Variants in SEC23IP observed in about 807,000 individuals in gnomAD.
SEC23IP encodes SEC23-interacting protein.
SEC23IP carries 70 observed loss-of-function variants against 113.4 expected under a neutral mutation model. The ratio of observed to expected loss-of-function variants is 0.62; its 90% CI spans 0.51 to 0.75. The LOEUF is 0.75. SEC23IP is among the 30% of genes least tolerant of loss of function. The pLI is 0.00. For synonymous variants in SEC23IP, 398 were observed against 421.0 expected, an observed-to-expected ratio of 0.95 and a Z score of 0.67; for missense variants, 1,160 against 1,204.9, an observed-to-expected ratio of 0.96 and a Z score of 0.55.
Position 119,904,242 on chromosome 10 carries a change from A to G in SEC23IP, c.1066A>G (p.Ile356Val), listed in dbSNP as rs138431479. ...CAAGGGGGACACAGATAGTCGATTT[A>G]TTCCCTATACTGAGGAGTTCAGTGA... ...FYKGDTDSRF[I>V]PYTEEFSEKL... is the part of the protein sequence containing the mutation. The change falls in exon 4 of 19, where the codon ATT becomes GTT. Residue 356 changes from isoleucine (I) to valine (V), a missense_variant. Coordinates refer to ENST00000369075, the MANE Select transcript of SEC23IP (RefSeq NM_007190.4). 1.2e-6 allele frequency: 2 copies of G among 1,614,096 alleles called. No homozygotes were observed. The highest frequency in any genetic ancestry group is 2.7e-5 in the African/African-American group (2 of 74,944).
chr10:119,924,248 G>A (rs1187501430), intron 12 of SEC23IP, among the ~76,000 whole-genome samples: 3 of 152,268 alleles, frequency 2.0e-5, no homozygotes, highest in Non-Finnish European at 2.9e-5. Context: ...GCCAGCTGTG[G>A]TTGTTTAGGC....
chr10:119,914,458 T>G, intron 6 of SEC23IP: 1 of 416,126 alleles, frequency 2.4e-6, no homozygotes, highest in Non-Finnish European at 4.4e-6. Context: ...GGAGCCTCCA[T>G]AGATACAAAC....
At chr10:119,896,251 G>A (rs1170242041) in intron 1 of SEC23IP, among the ~76,000 whole-genome samples, 1 of 152,192 alleles carries the variant, frequency 6.6e-6, no homozygotes. Context: ...TTAGACCCAA[G>A]ACTGAGCTCT....
chr10:119,919,015 C>T (rs1450414274), intron 10 of SEC23IP, among the ~76,000 whole-genome samples: 8 of 131,720 alleles, frequency 6.1e-5, no homozygotes, highest in Admixed American at 2.4e-4. Context: ...TTTTTTGAGG[C>T]GGAGTTTCAC....
chr10:119,925,495 CTAAA>C (rs1855390856), intron 12 of SEC23IP, among the ~76,000 whole-genome samples: 1 of 152,048 alleles, frequency 6.6e-6, no homozygotes, highest in Admixed American at 6.6e-5. Context: ...CATTTGTTCC[CTAAA>C]TATTTAGTAT....
At position 119,910,022 on chromosome 10, in the gene SEC23IP, G is replaced by C. The variant is rs538919134; in HGVS notation, c.1191+892G>C. 3.9e-5 allele frequency among the ~76,000 whole-genome samples: 6 copies of C among 152,288 alleles called. No individual in the cohort carries two copies. The South Asian group carries it at 1.2e-3, about 32-fold the overall frequency. On this transcript the variant is annotated intron_variant, in intron 5 of 18. Coordinates refer to ENST00000369075, the MANE Select transcript of SEC23IP (RefSeq NM_007190.4). Reference sequence around the variant, plus strand: ...GAAGTTGGCAAGCTTTTTCTATAAAGGGCCAGAGACAAAATATTTAAGGCT... The same window carrying C: ...GAAGTTGGCAAGCTTTTTCTATAAACGGCCAGAGACAAAATATTTAAGGCT...
chr10:119,927,254 A>C (rs577679277), intron 13 of SEC23IP, among the ~76,000 whole-genome samples: 4 of 152,302 alleles, frequency 2.6e-5, no homozygotes, highest in South Asian at 4.1e-4. Context: ...CACTGTTTGG[A>C]GAGATAATGA....
chr10:119,905,866 G>A (rs1307108132), intron 4 of SEC23IP, among the ~76,000 whole-genome samples: 3 of 152,092 alleles, frequency 2.0e-5, no homozygotes, highest in Non-Finnish European at 4.4e-5. Flanking sequence ...AAGATACTAT[G>A]TATTTATAAC....
At chr10:119,908,995 G>A in intron 4 of SEC23IP, 46 bp from the exon 5 acceptor site, 2 of 1,252,260 alleles carry the variant, frequency 1.6e-6, no homozygotes, top group Non-Finnish European at 2.3e-6. Context: ...TCTCCATGTG[G>A]TATAAATTTG....
rs777153877 is a variant in SEC23IP, at chr10:119,898,863, G to C, written c.600G>C (p.Gln200His). The C allele has an allele frequency of 6.2e-7, 1 of 1,610,680 alleles. No individual in the cohort carries two copies. Among genetic ancestry groups the C allele is most frequent in the Admixed American group, 1.7e-5 (1 of 60,008 alleles). ...SRANPYIAPPQLQQCQTPGPP... is the reference protein window; with the variant it reads ...SRANPYIAPPHLQQCQTPGPP... ...CTAATCCTTACATTGCACCACCCCA[G>C]CTGCAGCAGTGCCAAACACCAGGCC... is the stretch of plus-strand genomic sequence containing the variant. Residue 200 changes from glutamine to histidine, a missense_variant, in exon 2 of 19, where the codon CAG (glutamine) becomes CAC (histidine). By Grantham distance (24) the Gln-to-His change is conservative. Transcript: ENST00000369075.
At position 119,917,870 on chromosome 10, in the gene SEC23IP, C is replaced by G; in HGVS notation, c.1579C>G (p.Arg527Gly). Residue 527 changes from arginine to glycine, a missense_variant, in exon 9 of 19, where the codon CGA becomes GGA. Coordinates refer to ENST00000369075, the MANE Select transcript of SEC23IP (RefSeq NM_007190.4). ...GAAAATCACTTTGCCAAGTATTGGT[C>G]GATTTCGTCACTTTACCAATGAAAC... ...IKKITLPSIG[R>G]FRHFTNETLL... The G allele has an allele frequency of 6.2e-7, 1 of 1,613,810 alleles. No homozygotes were observed. The highest frequency in any genetic ancestry group is 8.5e-7 in the Non-Finnish European group (1 of 1,179,866).
intron 4 of SEC23IP, among the ~76,000 whole-genome samples, chr10:119,907,540 T>G (rs1854715533): frequency 6.6e-6 from 1 of 152,150 alleles, no homozygotes; most frequent in African/African-American, 2.4e-5. Flanking sequence ...CCCCAAGAGG[T>G]CCTCACGCTT....
Position 119,942,923 on chromosome 10 carries a change from T to C in SEC23IP, c.*2358T>C, listed in dbSNP as rs1305964189. ...TATGTTATTGGAAAGGTGTGATCTATATAGAACCCTGTACATGAAAAGGAG... is the reference window on the plus strand; with the variant it reads ...TATGTTATTGGAAAGGTGTGATCTACATAGAACCCTGTACATGAAAAGGAG... On this transcript the variant is annotated 3_prime_UTR_variant, in exon 19 of 19. Transcript: ENST00000369075. 1 of 152,212 alleles carries C rather than the reference T, an allele frequency of 6.6e-6. No individual in the cohort carries two copies. The highest frequency in any genetic ancestry group is 2.4e-5 in the African/African-American group (1 of 41,460). The allele number at this position is 152,212 out of a possible 1,614,324, so 9.4% of individuals were successfully genotyped here.
In SEC23IP at chr10:119,942,305, G is replaced by A. The variant is rs1042985560; in HGVS notation, c.*1740G>A. 6.6e-6 allele frequency: 1 copy of A among 151,926 alleles called. No homozygotes were observed. Among genetic ancestry groups the A allele is most frequent in the African/African-American group, 2.4e-5 (1 of 41,382 alleles). The allele number at this position is 151,926 out of a possible 1,614,324, so 9.4% of individuals were successfully genotyped here. A position where few individuals can be genotyped will look rare whatever the true frequency, so the allele number is the denominator to read the frequency against. On this transcript the variant is annotated 3_prime_UTR_variant, in exon 19 of 19. Transcript: ENST00000369075. ...GAAAATAGAATTTTTGAGTGACTCT[G>A]CCTGTGGATATATATACTCATACAT...
chr10:119,920,817 T>C, intron 11 of SEC23IP, 72 bp from the exon 12 acceptor site: 1 of 1,060,628 alleles, frequency 9.4e-7, no homozygotes, highest in Non-Finnish European at 1.4e-6. Flanking sequence ...GGTTTCTTTA[T>C]AATTTTCATA....
intron 15 of SEC23IP, among the ~76,000 whole-genome samples, chr10:119,931,628 C>T (rs945094205): frequency 6.6e-6 from 1 of 151,182 alleles, no homozygotes; most frequent in Non-Finnish European, 1.5e-5. Flanking sequence ...TCTTGGCTCA[C>T]TGCAAGCTCT....
At chr10:119,913,294 C>G (rs1466698378) in intron 6 of SEC23IP, among the ~76,000 whole-genome samples, 1 of 152,146 alleles carries the variant, frequency 6.6e-6, no homozygotes, top group Non-Finnish European at 1.5e-5. Flanking sequence ...TTTGGCAACA[C>G]TTTTAGGCTT....
In SEC23IP at chr10:119,926,087, CAA is replaced by C; in HGVS notation, c.2174_2175del (p.Gln725ArgfsTer8). ...KAVAATSTKG[Q>X]EQSAQKTKDM... ...AGTGGCGGCCACTTCTACAAAAGGA[CAA>C]GAGCAAAGTGCCCAGAAGACTAAAG... On this transcript the variant is annotated frameshift_variant, in exon 13 of 19. Transcript: ENST00000369075. LOFTEE classifies it high-confidence loss of function. 2 of 1,614,058 alleles carry C rather than the reference CAA, an allele frequency of 1.2e-6. No homozygotes were observed. Among genetic ancestry groups the C allele is most frequent in the Non-Finnish European group, 1.7e-6 (2 of 1,179,982 alleles).
At chr10:119,925,819 G>T (rs934462407) in intron 12 of SEC23IP, among the ~76,000 whole-genome samples, 14 of 152,174 alleles carry the variant, frequency 9.2e-5, no homozygotes, top group African/African-American at 3.4e-4. Context: ...TGAGATTACT[G>T]GGGTGAGCCA....
Sources: allele counts gnomAD v4.1 joint callset (sites outside exome capture counted in the v4.1 genomes callset), GRCh38; gene constraint gnomAD v4.1.1; transcripts MANE v1.5; gene names NCBI Gene and HGNC (gene_info 2026-07-23, HGNC 2026-07-21).